The following FSTL4 variants were observed in gnomAD, a reference collection of about 807,000 sequenced individuals.
The protein encoded by FSTL4 is follistatin-related protein 4.
FSTL4 carries 28 observed loss-of-function variants against 78.2 expected under a neutral mutation model. The observed-to-expected ratio is 0.36, with a 90% confidence interval of 0.27 to 0.49. The LOEUF (loss-of-function observed/expected upper bound fraction) is 0.49, where lower values mean the gene tolerates loss of function less well. Among genes scored for constraint, FSTL4 ranks in the 20% least tolerant of loss-of-function variants. The probability of loss-of-function intolerance (pLI) is 0.98; values close to 1 mark genes in which losing one functional copy is unlikely to be tolerated. For missense variants in FSTL4, 922 were observed against 1,084.9 expected, an observed-to-expected ratio of 0.85 and a Z score of 2.11; for synonymous variants, 422 against 440.5, an observed-to-expected ratio of 0.96 and a Z score of 0.53.
chr5:133,329,513 C>A (rs1376463596), intron 4 of FSTL4, among the ~76,000 whole-genome samples: 1 of 152,130 alleles, frequency 6.6e-6, no homozygotes, highest in African/African-American at 2.4e-5. Context: ...GCAAGGAGAG[C>A]CAGTCCGAGT....
At chr5:133,819,038 C>T in the FSTL4 span, among the ~76,000 whole-genome samples, 1 of 144,982 alleles carries the variant, frequency 6.9e-6, no homozygotes, top group African/African-American at 2.5e-5. Flanking sequence ...CCCAGCCGTC[C>T]ACCCACATGC....
At chr5:133,514,920 A>G (rs533212643) in intron 3 of FSTL4, among the ~76,000 whole-genome samples, 5 of 152,216 alleles carry the variant, frequency 3.3e-5, no homozygotes, top group Non-Finnish European at 7.3e-5. Flanking sequence ...TTACTATATA[A>G]AAGTAATACT....
rs954758210 is a variant in FSTL4, at chr5:133,198,519, T to C, written c.*576A>G. ...AAAATTTCCAAAATAAAGTGAGTGA[T>C]TTCCCCATCCCCCAAGATGCAGTAA... is the stretch of plus-strand genomic sequence containing the variant. On this transcript the variant is annotated 3_prime_UTR_variant, in exon 16 of 16. Coordinates refer to ENST00000265342, the MANE Select transcript of FSTL4 (RefSeq NM_015082.2). 2.0e-5 allele frequency: 3 copies of C among 152,636 alleles called. No homozygotes were observed. The highest frequency in any genetic ancestry group is 2.1e-4 in the South Asian group (1 of 4,830). The allele number at this position is 152,636 out of a possible 1,614,324, so 9.5% of individuals were successfully genotyped here.
chr5:133,382,732 A>T (rs1187492522), intron 4 of FSTL4, among the ~76,000 whole-genome samples: 1 of 152,200 alleles, frequency 6.6e-6, no homozygotes, highest in Non-Finnish European at 1.5e-5. Flanking sequence ...AATTCCCTCA[A>T]CATAGAACTA....
intron 3 of FSTL4, among the ~76,000 whole-genome samples, chr5:133,490,374 T>G (rs1758242793): frequency 6.6e-6 from 1 of 152,090 alleles, no homozygotes; most frequent in Admixed American, 6.5e-5. Flanking sequence ...TAAAAGTTTT[T>G]TTTTTTTTTC....
the FSTL4 span, among the ~76,000 whole-genome samples, chr5:133,825,384 T>C: frequency 2.0e-5 from 3 of 152,236 alleles, no homozygotes; most frequent in Non-Finnish European, 4.4e-5. Flanking sequence ...ATGGTTCTTG[T>C]ATAATTTCCA....
chr5:133,565,544 G>A (rs1439419381), intron 3 of FSTL4, among the ~76,000 whole-genome samples: 1 of 152,238 alleles, frequency 6.6e-6, no homozygotes, highest in Non-Finnish European at 1.5e-5. Context: ...AAATTTGCTA[G>A]TACAAACCCA....
intron 3 of FSTL4, among the ~76,000 whole-genome samples, chr5:133,421,442 T>C (rs948468468): frequency 6.6e-6 from 1 of 152,258 alleles, no homozygotes; most frequent in Non-Finnish European, 1.5e-5. Context: ...GGGACTCCCC[T>C]GCCTGCTGTC....
chr5:133,216,924 T>G (rs1750925566), intron 13 of FSTL4, among the ~76,000 whole-genome samples: 1 of 152,210 alleles, frequency 6.6e-6, no homozygotes, highest in African/African-American at 2.4e-5. Flanking sequence ...CAATTGAAAA[T>G]AGTCTTCCTG....
chr5:133,687,850 C>A, the FSTL4 span, among the ~76,000 whole-genome samples: 2 of 152,332 alleles, frequency 1.3e-5, no homozygotes, highest in East Asian at 3.9e-4. Context: ...GGCTATTGCA[C>A]ACAGTGTCAG....
At chr5:133,216,389 G>C (rs7722084) in intron 13 of FSTL4, among the ~76,000 whole-genome samples, 11 of 146,532 alleles carry the variant, frequency 7.5e-5, no homozygotes, top group African/African-American at 3.0e-4. Flanking sequence ...CTCCCGGGTT[G>C]AAGTGATTCT....
chr5:133,627,221 A>T, the FSTL4 span, among the ~76,000 whole-genome samples: 1 of 145,344 alleles, frequency 6.9e-6, no homozygotes, highest in African/African-American at 2.6e-5. Context: ...CAATAAAGAC[A>T]TTCCCAAGAC....
chr5:133,738,960 G>A, the FSTL4 span, among the ~76,000 whole-genome samples: 1 of 152,072 alleles, frequency 6.6e-6, no homozygotes, highest in African/African-American at 2.4e-5. Context: ...TCCTTGGTTG[G>A]GGGCTGCACA....
At chr5:133,364,884 A>G (rs369126319) in intron 4 of FSTL4, among the ~76,000 whole-genome samples, 1 of 152,030 alleles carries the variant, frequency 6.6e-6, no homozygotes, top group Non-Finnish European at 1.5e-5. Context: ...TGGCTTAATC[A>G]GAGTCATTTT....
intron 3 of FSTL4, among the ~76,000 whole-genome samples, chr5:133,461,709 C>T (rs540041544): frequency 2.0e-4 from 30 of 152,352 alleles, no homozygotes; most frequent in African/African-American, 7.2e-4. Context: ...CATCCTTATT[C>T]ACTATTCTGC....
At chr5:133,821,676 G>A in the FSTL4 span, among the ~76,000 whole-genome samples, 1 of 152,158 alleles carries the variant, frequency 6.6e-6, no homozygotes, top group Non-Finnish European at 1.5e-5. Context: ...CACTGTGGAG[G>A]AGGCGCAGGA....
At chr5:133,710,134 C>G in the FSTL4 span, among the ~76,000 whole-genome samples, 31 of 152,196 alleles carry the variant, frequency 2.0e-4, no homozygotes, top group African/African-American at 6.5e-4. Flanking sequence ...GTGCTTCTCT[C>G]TGCCCTGGAC....
At chr5:133,274,195 G>A (rs1752827902) in intron 6 of FSTL4, among the ~76,000 whole-genome samples, 1 of 152,088 alleles carries the variant, frequency 6.6e-6, no homozygotes, top group African/African-American at 2.4e-5. Flanking sequence ...GCAGCCAAAG[G>A]TGGTTCCCAT....
At chr5:133,335,307 G>A (rs924502292) in intron 4 of FSTL4, among the ~76,000 whole-genome samples, 14 of 152,188 alleles carry the variant, frequency 9.2e-5, no homozygotes, top group Non-Finnish European at 1.9e-4. Context: ...CCCTGGCCTC[G>A]TCTGCCCTGC....
Sources: gnomAD v4.1 joint callset for allele counts (sites outside exome capture counted in the v4.1 genomes callset) on GRCh38, gnomAD v4.1.1 for gene constraint, MANE v1.5 for transcripts, NCBI Gene and HGNC (gene_info 2026-07-23, HGNC 2026-07-21) for gene names.